MAPK10: variants seen among roughly 807,000 people sequenced by gnomAD.
MAPK10 encodes the protein mitogen-activated protein kinase 10, also known as JNK3 alpha protein kinase.
A neutral mutation model predicts 59.3 loss-of-function variants in MAPK10; 25 were observed. That is an observed-to-expected ratio of 0.42 (90% CI 0.31 to 0.59). The LOEUF is 0.59. Among genes scored for constraint, MAPK10 ranks in the 20% least tolerant of loss-of-function variants. The probability of loss-of-function intolerance (pLI) is 0.15; values close to 1 mark genes in which losing one functional copy is unlikely to be tolerated. For missense variants in MAPK10, 351 were observed against 568.9 expected, an observed-to-expected ratio of 0.62 and a Z score of 3.90; for synonymous variants, 190 against 200.5, an observed-to-expected ratio of 0.95 and a Z score of 0.44.
At chr4:86,214,532 A>G (rs1404656068) in intron 2 of MAPK10, among the ~76,000 whole-genome samples, 1 of 151,284 alleles carries the variant, frequency 6.6e-6, no homozygotes, top group Non-Finnish European at 1.5e-5. Context: ...AAAAAAAAAA[A>G]AAACTGTTAG....
rs1404731884 is a variant in MAPK10 at position 86,010,957 on chromosome 4, G to A, written c.*6271C>T. ...TTCAGTGATTAAGAAATAAAGCCAC[G>A]TACCCCACGGAGTGAAATTTGAATT... is the stretch of plus-strand genomic sequence containing the variant. On this transcript the variant is annotated 3_prime_UTR_variant, in exon 14 of 14. Transcript: ENST00000641462. The A allele has an allele frequency of 3.3e-5, 5 of 152,170 alleles. No homozygotes were observed. The highest frequency in any genetic ancestry group is 1.9e-4 in the East Asian group (1 of 5,202). 9.4% of individuals were successfully genotyped at this position (152,170 alleles called of 1,614,324 possible). A position where few individuals can be genotyped will look rare whatever the true frequency, so the allele number is the denominator to read the frequency against.
intron 2 of MAPK10, among the ~76,000 whole-genome samples, chr4:86,302,787 A>G (rs1277811470): frequency 2.0e-5 from 3 of 152,196 alleles, no homozygotes; most frequent in Non-Finnish European, 2.9e-5. Flanking sequence ...TATTTTGCCA[A>G]AAACTAGTTC....
intron 13 of MAPK10, chr4:86,020,128 C>T (rs1745634354): frequency 6.6e-6 from 1 of 152,194 alleles, no homozygotes; most frequent in Non-Finnish European, 1.5e-5. Context: ...CTACTTTTTG[C>T]CTCTATAAAA....
chr4:86,170,748 C>T (rs1479936432), intron 3 of MAPK10, among the ~76,000 whole-genome samples: 1 of 151,392 alleles, frequency 6.6e-6, no homozygotes, highest in Non-Finnish European at 1.5e-5. Flanking sequence ...CAGAACTCTC[C>T]ACCCCAAATC....
intron 1 of MAPK10, among the ~76,000 whole-genome samples, chr4:86,421,429 T>C (rs1746526357): frequency 6.6e-6 from 1 of 152,258 alleles, no homozygotes; most frequent in South Asian, 2.1e-4. Context: ...GTTGAGACGG[T>C]TGATTTTACA....
At chr4:86,177,489 C>A (rs2075945547) in intron 3 of MAPK10, among the ~76,000 whole-genome samples, 1 of 152,062 alleles carries the variant, frequency 6.6e-6, no homozygotes, top group South Asian at 2.1e-4. Flanking sequence ...ATAGAAACAT[C>A]ATAGACCCAT....
rs570458581 is a variant in MAPK10 at position 86,520,747 on chromosome 4, G to T, written c.-263+73163C>A. On this transcript the variant is annotated intron_variant, in intron 1 of 4. Transcript: ENST00000502302. The stretch of plus-strand genomic sequence containing the variant: ...CTTCTTATTTGGATAGACTTTTTCA[G>T]TGGAAGATTCTGGAACTCAAGGGCT... Among the ~76,000 whole-genome samples, 17 of 152,214 alleles carry T rather than the reference G, an allele frequency of 1.1e-4. No homozygotes were observed. The South Asian group carries it at 3.5e-3, about 32-fold the overall frequency.
At chr4:86,200,338 A>C (rs1278792828) in intron 2 of MAPK10, among the ~76,000 whole-genome samples, 1 of 151,820 alleles carries the variant, frequency 6.6e-6, no homozygotes, top group Non-Finnish European at 1.5e-5. Context: ...AATACTCCTC[A>C]CCCTCCAAAC....
At chr4:86,277,859 T>C (rs767705592) in intron 2 of MAPK10, among the ~76,000 whole-genome samples, 1 of 152,130 alleles carries the variant, frequency 6.6e-6, no homozygotes, top group Non-Finnish European at 1.5e-5. Flanking sequence ...ATGCTATCTG[T>C]TGAAGGCTTG....
chr4:86,337,995 GACTAA>G (rs1289460203), intron 2 of MAPK10, among the ~76,000 whole-genome samples: 4 of 152,020 alleles, frequency 2.6e-5, no homozygotes, highest in Admixed American at 2.0e-4. Context: ...GGCCTTCCTT[GACTAA>G]ACTAATCTCA....
At chr4:86,368,913 C>A (rs1303298652) in intron 1 of MAPK10, among the ~76,000 whole-genome samples, 1 of 152,032 alleles carries the variant, frequency 6.6e-6, no homozygotes, top group Non-Finnish European at 1.5e-5. Flanking sequence ...GTGTATGTGT[C>A]TTTTGAACAA....
At chr4:86,187,650 T>G (rs2078584952) in intron 3 of MAPK10, among the ~76,000 whole-genome samples, 2 of 152,174 alleles carry the variant, frequency 1.3e-5, no homozygotes. Context: ...AATCTTTAAG[T>G]GTAAATATAA....
At chr4:86,304,186 G>A (rs570475991) in intron 2 of MAPK10, among the ~76,000 whole-genome samples, 2 of 152,266 alleles carry the variant, frequency 1.3e-5, no homozygotes, top group South Asian at 4.2e-4. Context: ...AAGATTACAT[G>A]GGAATGGGAA....
chr4:86,280,336 A>G (rs1052251753), intron 2 of MAPK10, among the ~76,000 whole-genome samples: 2 of 152,224 alleles, frequency 1.3e-5, no homozygotes, highest in African/African-American at 4.8e-5. Context: ...AGAGGCCAAC[A>G]AACATAAGAA....
At chr4:86,102,338 G>T (rs1406604020) in intron 6 of MAPK10, 1 of 248,526 alleles carries the variant, frequency 4.0e-6, no homozygotes, top group East Asian at 7.8e-5. Context: ...TTTCAAATAA[G>T]AAAAAAATTA....
intron 2 of MAPK10, among the ~76,000 whole-genome samples, chr4:86,348,682 T>A (rs1001568426): frequency 3.3e-5 from 5 of 151,966 alleles, no homozygotes; most frequent in African/African-American, 4.8e-5. Flanking sequence ...AAAAAAAAAA[T>A]TTATGTGCAG....
upstream of MAPK10, among the ~76,000 whole-genome samples, chr4:86,364,590 C>T (rs777568042): frequency 6.6e-6 from 1 of 152,144 alleles, no homozygotes; most frequent in Non-Finnish European, 1.5e-5. Context: ...CTATTCTATA[C>T]ACTTCAGGAA....
chr4:86,177,871 C>A (rs1009288969), intron 3 of MAPK10, among the ~76,000 whole-genome samples: 2 of 151,972 alleles, frequency 1.3e-5, no homozygotes, highest in Admixed American at 6.6e-5. Context: ...ACATATAGTG[C>A]TTTTATTATC....
At chr4:86,501,366 T>C (rs1375283158) in intron 1 of MAPK10, among the ~76,000 whole-genome samples, 1 of 151,944 alleles carries the variant, frequency 6.6e-6, no homozygotes, top group African/African-American at 2.4e-5. Flanking sequence ...ATATTGTATA[T>C]TTTTTCTGAA....
Sources: allele counts gnomAD v4.1 joint callset (sites outside exome capture counted in the v4.1 genomes callset), GRCh38; gene constraint gnomAD v4.1.1; transcripts MANE v1.5; gene names NCBI Gene and HGNC (gene_info 2026-07-23, HGNC 2026-07-21).